BCKDHB: variants seen among roughly 807,000 people sequenced by gnomAD.
The protein encoded by BCKDHB is branched chain keto acid dehydrogenase E1 subunit beta, also known as 2-oxoisovalerate dehydrogenase subunit beta, mitochondrial.
In BCKDHB, 41 loss-of-function variants were observed where a neutral mutation model predicts 48.5. The ratio of observed to expected loss-of-function variants is 0.85; its 90% confidence interval spans 0.66 to 1.10. The LOEUF is 1.10. BCKDHB is among the 50% of genes least tolerant of loss of function. The pLI is 0.00. For synonymous variants in BCKDHB, 201 were observed against 174.8 expected (o/e 1.15, Z -1.18); for missense variants, 496 against 494.2 (o/e 1.00, Z -0.03).
chr6:80,256,201 C>A (rs1379331061), intron 8 of BCKDHB, among the ~76,000 whole-genome samples: 1 of 152,146 alleles, frequency 6.6e-6, no homozygotes, highest in Non-Finnish European at 1.5e-5. Flanking sequence ...TTTGTATATA[C>A]ACAGTAATGC....
chr6:80,445,084 G>T, the BCKDHB span, among the ~76,000 whole-genome samples: 2 of 152,044 alleles, frequency 1.3e-5, no homozygotes, highest in Admixed American at 1.3e-4. Context: ...TTAGTATGAG[G>T]CAAACACTTC....
At chr6:80,441,765 T>G in the BCKDHB span, among the ~76,000 whole-genome samples, 2 of 152,134 alleles carry the variant, frequency 1.3e-5, no homozygotes, top group Non-Finnish European at 2.9e-5. Flanking sequence ...TTTGACCTCT[T>G]ATTTATCCAG....
At position 80,106,783 on chromosome 6, in the gene BCKDHB, G is replaced by T. The variant is rs553058134; in HGVS notation, c.90G>T (p.Gly30=). ...EGHWRRLPGA[G]LARGFLHPAA... ...ACTGGCGTCGGCTTCCTGGCGCGGG[G>T]CTGGCGCGGGGCTTTTTGCACCCCG... Residue 30 remains glycine, a synonymous_variant, in exon 1 of 10, where the codon GGG becomes GGT. Coordinates refer to ENST00000320393, the MANE Select transcript of BCKDHB (RefSeq NM_183050.4). The T allele has an allele frequency of 6.3e-7, 1 of 1,595,528 alleles. No homozygotes were observed. The highest frequency in any genetic ancestry group is 8.5e-7 in the Non-Finnish European group (1 of 1,172,194).
intron 6 of BCKDHB, among the ~76,000 whole-genome samples, chr6:80,179,267 A>G (rs934211733): frequency 6.6e-6 from 1 of 152,136 alleles, no homozygotes; most frequent in African/African-American, 2.4e-5. Flanking sequence ...GGCTGATAAA[A>G]TGATCTACTT....
the BCKDHB span, among the ~76,000 whole-genome samples, chr6:80,454,790 T>C: frequency 6.6e-6 from 1 of 152,222 alleles, no homozygotes; most frequent in Non-Finnish European, 1.5e-5. Context: ...GACTAGGTCC[T>C]CCAAAGTTGA....
chr6:80,173,028 G>A (rs1772990086), intron 6 of BCKDHB, among the ~76,000 whole-genome samples: 2 of 152,072 alleles, frequency 1.3e-5, no homozygotes, highest in Admixed American at 6.6e-5. Context: ...TAGTTATAAT[G>A]CCAGCCAGCT....
At chr6:80,359,239 G>A in the BCKDHB span, among the ~76,000 whole-genome samples, 1 of 152,120 alleles carries the variant, frequency 6.6e-6, no homozygotes, top group Non-Finnish European at 1.5e-5. Context: ...GTCCCTCACT[G>A]AGCAGGTAGA....
At chr6:80,322,833 T>C (rs1338100850) in intron 9 of BCKDHB, among the ~76,000 whole-genome samples, 4 of 152,090 alleles carry the variant, frequency 2.6e-5, no homozygotes, top group Non-Finnish European at 5.9e-5. Context: ...TCTTGCTGTT[T>C]TATAATTACC....
At chr6:80,107,553 A>G (rs1769182974) in intron 1 of BCKDHB, among the ~76,000 whole-genome samples, 1 of 134,264 alleles carries the variant, frequency 7.4e-6, no homozygotes, top group African/African-American at 3.0e-5. Context: ...GCACACATAT[A>G]TATGCATATA....
intron 8 of BCKDHB, among the ~76,000 whole-genome samples, chr6:80,209,773 G>A (rs1047802405): frequency 3.2e-4 from 48 of 151,960 alleles, no homozygotes; most frequent in African/African-American, 1.2e-3. Flanking sequence ...AAACACTAAC[G>A]TTAAAAAAGG....
chr6:80,409,832 G>T, the BCKDHB span, among the ~76,000 whole-genome samples: 1 of 151,422 alleles, frequency 6.6e-6, no homozygotes, highest in East Asian at 2.0e-4. Flanking sequence ...CACATGAAAT[G>T]GGTCTCCTGA....
At chr6:80,390,302 T>A in the BCKDHB span, among the ~76,000 whole-genome samples, 1 of 122,476 alleles carries the variant, frequency 8.2e-6, no homozygotes, top group Admixed American at 9.1e-5. Flanking sequence ...CCTTTAGGAA[T>A]GAAGGTTTGG....
intron 6 of BCKDHB, among the ~76,000 whole-genome samples, chr6:80,190,777 T>A (rs1425697865): frequency 6.6e-6 from 1 of 152,174 alleles, no homozygotes; most frequent in Non-Finnish European, 1.5e-5. Context: ...AATTCATGGG[T>A]TGGAAGCAAG....
intron 3 of BCKDHB, among the ~76,000 whole-genome samples, chr6:80,142,889 A>G (rs1291901961): frequency 1.3e-5 from 2 of 152,112 alleles, no homozygotes; most frequent in Non-Finnish European, 2.9e-5. Context: ...TCTCTTTCAA[A>G]CAGTGCCGCA....
intron 9 of BCKDHB, among the ~76,000 whole-genome samples, chr6:80,318,010 C>G (rs1233067212): frequency 6.6e-6 from 1 of 152,136 alleles, no homozygotes; most frequent in East Asian, 1.9e-4. Flanking sequence ...CTTCCTATAA[C>G]TTTATCTCTG....
intron 7 of BCKDHB, 21 bp downstream of exon 7, chr6:80,201,052 C>T (rs1774371994): frequency 1.3e-6 from 2 of 1,540,008 alleles, no homozygotes; most frequent in Admixed American, 1.7e-5. Context: ...TTGATCCCAA[C>T]TGTTAAAACC....
chr6:80,301,625 G>A (rs564852963), intron 9 of BCKDHB, among the ~76,000 whole-genome samples: 59 of 152,098 alleles, frequency 3.9e-4, no homozygotes, highest in Non-Finnish European at 7.4e-4. Context: ...AAAAATCAAG[G>A]AGAAGGGGCT....
chr6:80,317,801 AC>A (rs1768525844), intron 9 of BCKDHB, among the ~76,000 whole-genome samples: 1 of 152,164 alleles, frequency 6.6e-6, no homozygotes, highest in East Asian at 1.9e-4. Context: ...CTTCTACCTC[AC>A]CACAGTGGGC....
the BCKDHB span, among the ~76,000 whole-genome samples, chr6:80,409,073 C>T: frequency 0.88 from 133,698 of 152,100 alleles, 59,192 homozygotes; most frequent in East Asian, 0.95. Flanking sequence ...GTATGTTGTG[C>T]CTTTCTTCTT....
Sources: gnomAD v4.1 joint callset for allele counts (sites outside exome capture counted in the v4.1 genomes callset) on GRCh38, gnomAD v4.1.1 for gene constraint, MANE v1.5 for transcripts, NCBI Gene and HGNC (gene_info 2026-07-23, HGNC 2026-07-21) for gene names.